The following SLC36A2 variants were observed in gnomAD, a reference collection of about 807,000 sequenced individuals.
SLC36A2 encodes the protein proton-coupled amino acid transporter 2.
SLC36A2 carries 39 observed loss-of-function variants against 42.7 expected under a neutral mutation model. The observed-to-expected ratio is 0.91, with a 90% confidence interval of 0.71 to 1.19. The LOEUF (loss-of-function observed/expected upper bound fraction) is 1.19. Among genes scored for constraint, SLC36A2 ranks in the 50% most tolerant of loss-of-function variants. SLC36A2 has a pLI of 0.00. For synonymous variants in SLC36A2, 237 were observed against 240.8 expected, an observed-to-expected ratio of 0.98 and a Z score of 0.15; for missense variants, 590 against 613.7, an observed-to-expected ratio of 0.96 and a Z score of 0.41.
At chr5:151,340,553 A>G (rs1184193190) in intron 4 of SLC36A2, among the ~76,000 whole-genome samples, 2 of 152,200 alleles carry the variant, frequency 1.3e-5, no homozygotes, top group African/African-American at 4.8e-5. Flanking sequence ...AATAGAAACA[A>G]AAAAGCTTAC....
chr5:151,334,256 G>GACTA (rs974316050), intron 6 of SLC36A2, among the ~76,000 whole-genome samples: 5 of 152,262 alleles, frequency 3.3e-5, no homozygotes, highest in African/African-American at 7.2e-5. Flanking sequence ...TAAAATGTTT[G>GACTA]ACTATTATTT....
At chr5:151,327,003 CAG>C (rs1718364497) in intron 7 of SLC36A2, among the ~76,000 whole-genome samples, 1 of 152,004 alleles carries the variant, frequency 6.6e-6, no homozygotes, top group African/African-American at 2.4e-5. Flanking sequence ...TTTGTAGAAA[CAG>C]AGTTTTGCCA....
chr5:151,320,083 C>G (rs1202067397), intron 9 of SLC36A2, among the ~76,000 whole-genome samples: 1 of 151,698 alleles, frequency 6.6e-6, no homozygotes, highest in Admixed American at 6.6e-5. Context: ...CTTTTTCTTT[C>G]TTTTTTCTAG....
At position 151,322,189 on chromosome 5, in the gene SLC36A2, T is replaced by C; in HGVS notation, c.1037A>G (p.Tyr346Cys). The change falls in exon 9 of 10, where the codon TAC becomes TGC. Residue 346 changes from tyrosine (Y) to cysteine (C), a missense_variant. Tyr to Cys is a radical substitution (Grantham distance 194). Coordinates refer to ENST00000335244, the MANE Select transcript of SLC36A2 (RefSeq NM_181776.3). Reference sequence around the variant, plus strand: ...ATAGGTGCACAGGATGCCGGCAATGTAGAGAAGCTTGACAGACTGGTACAG... The same window carrying C: ...ATAGGTGCACAGGATGCCGGCAATGCAGAGAAGCTTGACAGACTGGTACAG... ...CWLYQSVKLLYIAGILCTYAL... is the reference protein window; with the variant it reads ...CWLYQSVKLLCIAGILCTYAL... 6.2e-7 allele frequency: 1 copy of C among 1,614,006 alleles called. No individual in the cohort carries two copies. The highest frequency in any genetic ancestry group is 1.7e-5 in the Admixed American group (1 of 60,000).
chr5:151,341,973 T>C (rs1462961665), intron 4 of SLC36A2, among the ~76,000 whole-genome samples: 1 of 152,232 alleles, frequency 6.6e-6, no homozygotes, highest in Admixed American at 6.5e-5. Context: ...TGGTCCCAGC[T>C]ACCATTGTGA....
At chr5:151,334,730 TAGAA>T (rs962397646) in intron 6 of SLC36A2, among the ~76,000 whole-genome samples, 1 of 151,932 alleles carries the variant, frequency 6.6e-6, no homozygotes, top group African/African-American at 2.4e-5. Context: ...AAAGAAAAAT[TAGAA>T]AGGATAGCAA....
At chr5:151,318,637 T>A (rs886841587) in intron 9 of SLC36A2, among the ~76,000 whole-genome samples, 2 of 147,862 alleles carry the variant, frequency 1.4e-5, no homozygotes, top group Non-Finnish European at 3.0e-5. Flanking sequence ...AATTATTTTT[T>A]AAAATGCCTA....
At chr5:151,341,377 G>T (rs1250284058) in intron 4 of SLC36A2, among the ~76,000 whole-genome samples, 2 of 152,166 alleles carry the variant, frequency 1.3e-5, no homozygotes, top group African/African-American at 2.4e-5. Flanking sequence ...GCGAAGGGTG[G>T]TTCCAGGCCC....
chr5:151,330,322 A>G (rs1289424311), intron 7 of SLC36A2, among the ~76,000 whole-genome samples: 1 of 152,220 alleles, frequency 6.6e-6, no homozygotes, highest in Non-Finnish European at 1.5e-5. Flanking sequence ...AGAGAAAAAC[A>G]CATAGGAGAA....
At position 151,339,090 on chromosome 5, in the gene SLC36A2, G is replaced by A; in HGVS notation, c.495C>T (p.Tyr165=). 1.2e-6 allele frequency: 2 copies of A among 1,610,290 alleles called. No individual in the cohort carries two copies. The highest frequency in any genetic ancestry group is 2.2e-5 in the East Asian group (1 of 44,698). Residue 165 remains tyrosine, a synonymous_variant, in exon 5 of 10, where the codon TAC becomes TAT. Transcript: ENST00000335244. ...TTAAATTATCAGCCAAAAACACAAT[G>A]TACACACAGCAGAAGCCAAGTTGGG... ...IITQLGFCCV[Y]IVFLADNLKQ...
At chr5:151,330,187 A>G (rs1755960141) in intron 7 of SLC36A2, among the ~76,000 whole-genome samples, 1 of 152,246 alleles carries the variant, frequency 6.6e-6, no homozygotes, top group South Asian at 2.1e-4. Flanking sequence ...TAGGTAAATT[A>G]GGTAAAAGAC....
chr5:151,339,972 G>A (rs571575605), intron 4 of SLC36A2, among the ~76,000 whole-genome samples: 1 of 152,148 alleles, frequency 6.6e-6, no homozygotes, highest in Admixed American at 6.5e-5. Flanking sequence ...CAGACAGAAA[G>A]CCTTGTTAGA....
At chr5:151,342,118 C>G (rs1215744235) in intron 4 of SLC36A2, among the ~76,000 whole-genome samples, 2 of 152,136 alleles carry the variant, frequency 1.3e-5, no homozygotes, top group Non-Finnish European at 2.9e-5. Context: ...TGATTAAAAC[C>G]CTCCAATGGC....
intron 5 of SLC36A2, 85 bp downstream of exon 5, chr5:151,338,975 G>C: frequency 1.0e-6 from 1 of 994,884 alleles, no homozygotes; most frequent in Non-Finnish European, 1.6e-6. Context: ...ATGAGGACCA[G>C]AGAGAAGAAG....
Position 151,335,388 on chromosome 5 carries a change from T to A in SLC36A2, c.685A>T (p.Met229Leu), listed in dbSNP as rs1365215614. 7 of 1,613,982 alleles carry A rather than the reference T, an allele frequency of 4.3e-6. No homozygotes were observed. The highest frequency in any genetic ancestry group is 5.9e-6 in the Non-Finnish European group (7 of 1,180,016). Reference protein sequence around the residue: ...RNLRILTIFSMLANISMLVSL... With the variant: ...RNLRILTIFSLLANISMLVSL... ...ACCAGCATGCTGATGTTGGCCAGCA[T>A]GGAGAAGATGGTCAAGATCCTGAGG... Residue 229 changes from methionine (M) to leucine (L), a missense_variant, in exon 6 of 10, where the codon ATG becomes TTG. Transcript: ENST00000335244.
At chr5:151,331,305 T>C (rs2127292568) in intron 7 of SLC36A2, among the ~76,000 whole-genome samples, 1 of 152,216 alleles carries the variant, frequency 6.6e-6, no homozygotes, top group South Asian at 2.1e-4. Flanking sequence ...CTTTCTTTTT[T>C]TCTGTTTTTG....
At position 151,347,427 on chromosome 5, in the gene SLC36A2, C is replaced by G. The variant is rs377387746; in HGVS notation, c.34G>C (p.Gly12Arg). Residue 12 changes from glycine to arginine, a missense_variant, in exon 1 of 10, where the codon GGA becomes CGA. Transcript: ENST00000335244. ...SVTKSTEGPQ[G>R]AVAIKLDLMS... is the part of the protein sequence containing the mutation. ...AGGTCCAATTTGATGGCAACGGCTC[C>G]CTGGGGACCCTCAGTACTTTTTGTC... 77 of 1,614,038 alleles carry G rather than the reference C, an allele frequency of 4.8e-5. No homozygotes were observed. The highest frequency in any genetic ancestry group is 6.3e-5 in the Non-Finnish European group (74 of 1,180,050).
rs34910192 is a variant in SLC36A2, at chr5:151,322,182, G to A, written c.1044C>T (p.Ala348=). The A allele has an allele frequency of 2.1e-3, 3,390 of 1,614,080 alleles. 61 individuals carry two copies. In the African/African-American group the frequency reaches 0.039, roughly 19 times the overall value. The change falls in exon 9 of 10, where the codon GCC becomes GCT. Residue 348 remains alanine, a synonymous_variant. Transcript: ENST00000335244. The stretch of plus-strand genomic sequence containing the variant: ...GCAGGGCATAGGTGCACAGGATGCC[G>A]GCAATGTAGAGAAGCTTGACAGACT... ...LYQSVKLLYI[A]GILCTYALQF...
intron 1 of SLC36A2, 96 bp downstream of exon 1, chr5:151,347,201 G>T: frequency 6.8e-7 from 1 of 1,466,554 alleles, no homozygotes; most frequent in Non-Finnish European, 9.5e-7. Flanking sequence ...CATCTGCACA[G>T]TGGGTTGAGG....
Sources: gnomAD v4.1 joint callset for allele counts (sites outside exome capture counted in the v4.1 genomes callset) on GRCh38, gnomAD v4.1.1 for gene constraint, MANE v1.5 for transcripts, NCBI Gene and HGNC (gene_info 2026-07-23, HGNC 2026-07-21) for gene names.